Variants in GRHL2 observed in about 807,000 individuals in gnomAD.
GRHL2 encodes the protein grainyhead like transcription factor 2.
In GRHL2, 21 loss-of-function variants were observed where a neutral mutation model predicts 83.8. The observed-to-expected ratio is 0.25, with a 90% confidence interval of 0.18 to 0.36. GRHL2 has a LOEUF of 0.36. GRHL2 is among the 10% of genes least tolerant of loss of function. GRHL2 has a pLI of 1.00. For missense variants in GRHL2, 623 were observed against 781.8 expected, an observed-to-expected ratio of 0.80 and a Z score of 2.42; for synonymous variants, 280 against 278.9, an observed-to-expected ratio of 1.00 and a Z score of -0.04.
At chr8:101,597,168 C>G (rs1226148486) in intron 7 of GRHL2, among the ~76,000 whole-genome samples, 1 of 152,134 alleles carries the variant, frequency 6.6e-6, no homozygotes, top group East Asian at 1.9e-4. Flanking sequence ...GAGGGCTGTT[C>G]TGGAGAGCAC....
intron 1 of GRHL2, among the ~76,000 whole-genome samples, chr8:101,512,245 T>C (rs1475005825): frequency 6.6e-6 from 1 of 152,158 alleles, no homozygotes; most frequent in African/African-American, 2.4e-5. Flanking sequence ...CATTAAACTT[T>C]ATGAATAACT....
intron 2 of GRHL2, among the ~76,000 whole-genome samples, chr8:101,544,956 C>A (rs1047222160): frequency 6.6e-6 from 1 of 152,156 alleles, no homozygotes; most frequent in African/African-American, 2.4e-5. Flanking sequence ...TATTCTTCTG[C>A]CAGAGTTTTC....
intron 1 of GRHL2, among the ~76,000 whole-genome samples, chr8:101,504,624 G>A (rs1810298181): frequency 6.6e-6 from 1 of 151,800 alleles, no homozygotes; most frequent in African/African-American, 2.4e-5. Context: ...AAAGGTAGTT[G>A]TAGGCAAGGT....
intron 8 of GRHL2, among the ~76,000 whole-genome samples, chr8:101,604,343 A>G (rs2130327543): frequency 6.6e-6 from 1 of 152,260 alleles, no homozygotes; most frequent in Middle Eastern, 3.4e-3. Flanking sequence ...CTAAGTGATG[A>G]CATCACCCCC....
At chr8:101,515,176 G>GCACACACACACACA (rs4002325) in intron 1 of GRHL2, among the ~76,000 whole-genome samples, 5,156 of 144,488 alleles carry the variant, frequency 0.036, 137 homozygotes, top group Non-Finnish European at 0.052. Flanking sequence ...CTGTCTCTCT[G>GCACACACACACACA]CACACACACA....
chr8:101,666,663 G>A lies in GRHL2; in HGVS notation c.1838G>A (p.Ser613Asn). 1.2e-6 allele frequency: 2 copies of A among 1,613,550 alleles called. No individual in the cohort carries two copies. Among genetic ancestry groups the A allele is most frequent in the Non-Finnish European group, 8.5e-7 (1 of 1,179,456 alleles). The change falls in exon 16 of 16, where the codon AGC becomes AAC. Residue 613 changes from serine to asparagine, a missense_variant. This residue lies in a region of GRHL2 where 210 missense variants were observed against 254.8 expected (regional missense o/e 0.82). Transcript: ENST00000646743. ...GACACCTTCATCCTCAACATGGAGA[G>A]CATGGTGGAGGGCTTCAAGGTCACG... ...NEDTFILNME[S>N]MVEGFKVTLM...
chr8:101,613,266 A>C (rs1812788016), intron 8 of GRHL2, among the ~76,000 whole-genome samples: 1 of 150,926 alleles, frequency 6.6e-6, no homozygotes, highest in East Asian at 1.9e-4. Flanking sequence ...TACATACATA[A>C]CCGCAGAATT....
At chr8:101,608,967 A>G (rs1384807386) in intron 8 of GRHL2, among the ~76,000 whole-genome samples, 1 of 150,440 alleles carries the variant, frequency 6.6e-6, no homozygotes, top group East Asian at 1.9e-4. Flanking sequence ...CCTGGAAAGC[A>G]CAAGGAGAGA....
intron 7 of GRHL2, among the ~76,000 whole-genome samples, chr8:101,597,693 G>T (rs1194246276): frequency 6.7e-6 from 1 of 148,218 alleles, no homozygotes; most frequent in African/African-American, 2.5e-5. Flanking sequence ...GGTGGAGGGA[G>T]GGGGGAGGGA....
chr8:101,514,437 G>GC (rs1318158006), intron 1 of GRHL2, among the ~76,000 whole-genome samples: 1 of 152,200 alleles, frequency 6.6e-6, no homozygotes, highest in Non-Finnish European at 1.5e-5. Context: ...GGGAAGGAGA[G>GC]CCCCCAGACT....
At chr8:101,513,510 T>TTTTTTTTTTTTTTGA (rs55792824) in intron 1 of GRHL2, among the ~76,000 whole-genome samples, 1 of 147,198 alleles carries the variant, frequency 6.8e-6, no homozygotes, top group African/African-American at 2.5e-5. Context: ...CTTTTTTTTT[T>TTTTTTTTTTTTTTGA]GGAGATGGAG....
rs114794003 is a variant in GRHL2 at position 101,563,237 on chromosome 8, C to T, written c.678+4425C>T. Among the ~76,000 whole-genome samples the T allele has an allele frequency of 6.4e-3, 974 of 152,294 alleles. 11 individuals are homozygous for T. The highest frequency in any genetic ancestry group is 0.022 in the African/African-American group (918 of 41,554). On this transcript the variant is annotated intron_variant, in intron 4 of 15. Coordinates refer to ENST00000646743, the MANE Select transcript of GRHL2 (RefSeq NM_024915.4). Reference sequence around the variant, plus strand: ...TGGCTTCAGGACCTAAATCCTTAACCATATGACTACACACTCAGAGAAGCC... The same window carrying T: ...TGGCTTCAGGACCTAAATCCTTAACTATATGACTACACACTCAGAGAAGCC...
At chr8:101,515,264 C>T (rs936307848) in intron 1 of GRHL2, among the ~76,000 whole-genome samples, 1 of 151,230 alleles carries the variant, frequency 6.6e-6, no homozygotes, top group Non-Finnish European at 1.5e-5. Flanking sequence ...ACTTCATCAG[C>T]TTTTCTTACA....
chr8:101,522,151 G>A (rs976428173), intron 1 of GRHL2, among the ~76,000 whole-genome samples: 1 of 152,210 alleles, frequency 6.6e-6, no homozygotes, highest in South Asian at 2.1e-4. Flanking sequence ...CATGGCCCAA[G>A]TGTGTGATGT....
intron 1 of GRHL2, among the ~76,000 whole-genome samples, chr8:101,533,182 G>A (rs1207469903): frequency 1.3e-5 from 2 of 151,968 alleles, no homozygotes; most frequent in Admixed American, 1.3e-4. Flanking sequence ...AGAGGGAGGA[G>A]AAAGATAGTT....
chr8:101,576,200 A>G (rs923245311), intron 6 of GRHL2, among the ~76,000 whole-genome samples: 1 of 152,098 alleles, frequency 6.6e-6, no homozygotes, highest in African/African-American at 2.4e-5. Flanking sequence ...GCTACAAAGG[A>G]GAAAGTTGTT....
At chr8:101,531,161 A>G (rs1247124286) in intron 1 of GRHL2, among the ~76,000 whole-genome samples, 5 of 150,782 alleles carry the variant, frequency 3.3e-5, no homozygotes, top group Admixed American at 6.6e-5. Flanking sequence ...GCAGTGAGCC[A>G]TGATTGTGCC....
At position 101,543,331 on chromosome 8, in the gene GRHL2, G is replaced by T; in HGVS notation, c.111G>T (p.Lys37Asn). ...RAYTSEDEAWKSYLENPLTAA... is the reference protein window; with the variant it reads ...RAYTSEDEAWNSYLENPLTAA... ...ACACCAGTGAGGATGAAGCCTGGAA[G>T]TCATACTTGGAGAATCCCCTGACAG... Residue 37 changes from lysine to asparagine, a missense_variant, in exon 2 of 16, where the codon AAG becomes AAT. By Grantham distance (94) the Lys-to-Asn change is moderately conservative. This residue lies in a region of GRHL2 where 11 missense variants were observed against 46.1 expected (regional missense o/e 0.24). Coordinates refer to ENST00000646743, the MANE Select transcript of GRHL2 (RefSeq NM_024915.4). 2 of 1,614,134 alleles carry T rather than the reference G, an allele frequency of 1.2e-6. No individual in the cohort carries two copies. Among genetic ancestry groups the T allele is most frequent in the Non-Finnish European group, 1.7e-6 (2 of 1,179,992 alleles).
intron 9 of GRHL2, among the ~76,000 whole-genome samples, chr8:101,623,792 A>G (rs1813013124): frequency 6.6e-6 from 1 of 152,204 alleles, no homozygotes; most frequent in Non-Finnish European, 1.5e-5. Flanking sequence ...ACACAGTATG[A>G]CAGTACACAG....
Sources: allele counts gnomAD v4.1 joint callset (sites outside exome capture counted in the v4.1 genomes callset), GRCh38; gene constraint gnomAD v4.1.1; regional missense constraint gnomAD v4.1.1; transcripts MANE v1.5; gene names NCBI Gene and HGNC (gene_info 2026-07-23, HGNC 2026-07-21).